The following SOS1 variants were observed in gnomAD, a reference collection of about 807,000 sequenced individuals.
The protein encoded by SOS1 is SOS Ras/Rac guanine nucleotide exchange factor 1, also known as son of sevenless homolog 1.
In SOS1, 25 loss-of-function variants were observed where a neutral mutation model predicts 157.6. The ratio of observed to expected loss-of-function variants is 0.16; its 90% CI spans 0.12 to 0.22. SOS1 has a LOEUF of 0.22. SOS1 is among the 10% of genes least tolerant of loss of function. The pLI is 1.00. For missense variants in SOS1, 1,237 were observed against 1,599.1 expected (o/e 0.77, Z 3.86); for synonymous variants, 528 against 534.0 (o/e 0.99, Z 0.16).
chr2:39,101,074 C>T (rs1396240625), intron 1 of SOS1, among the ~76,000 whole-genome samples: 1 of 152,196 alleles, frequency 6.6e-6, no homozygotes, highest in Non-Finnish European at 1.5e-5. Flanking sequence ...GTTCTGCAGG[C>T]TGTACAAGAA....
At chr2:39,033,322 C>T (rs774435389) in intron 8 of SOS1, among the ~76,000 whole-genome samples, 2 of 151,410 alleles carry the variant, frequency 1.3e-5, no homozygotes, top group Admixed American at 6.6e-5. Flanking sequence ...GGCAGTAATA[C>T]GAACAAGGGA....
rs752994841 is a variant in SOS1 at position 39,054,688 on chromosome 2, T to A, written c.646A>T (p.Ile216Leu). The change falls in exon 5 of 23, where the codon ATA becomes TTA. Residue 216 changes from isoleucine (I) to leucine (L), a missense_variant. By Grantham distance (5) the Ile-to-Leu change is conservative. Transcript: ENST00000402219. ...TTTATAATTAGATTTAGTTCCCTTA[T>A]ATATTGTCGAATTTCTGCCATAAAT... is the stretch of plus-strand genomic sequence containing the variant. ...KAFMAEIRQY[I>L]RELNLIIKVF... 11 of 1,600,106 alleles carry A rather than the reference T, an allele frequency of 6.9e-6. No individual in the cohort carries two copies. Among genetic ancestry groups the A allele is most frequent in the Non-Finnish European group, 9.4e-6 (11 of 1,167,394 alleles).
intron 6 of SOS1, among the ~76,000 whole-genome samples, chr2:39,040,416 G>A (rs1670529181): frequency 6.6e-6 from 1 of 152,072 alleles, no homozygotes; most frequent in South Asian, 2.1e-4. Flanking sequence ...ATGTGCAACG[G>A]TCCATTTCCA....
chr2:39,050,998 A>T (rs1057154768), intron 6 of SOS1, 146 bp downstream of exon 6: 2 of 764,980 alleles, frequency 2.6e-6, no homozygotes, highest in African/African-American at 3.5e-5. Context: ...ATATGTTGAC[A>T]ATGACCCTAT....
At chr2:39,046,264 A>G (rs996347535) in intron 6 of SOS1, among the ~76,000 whole-genome samples, 2 of 152,046 alleles carry the variant, frequency 1.3e-5, no homozygotes, top group African/African-American at 4.8e-5. Context: ...TGATTTTCGT[A>G]CATGTTTTTA....
chr2:39,015,872 C>CT (rs1296148235), intron 10 of SOS1, among the ~76,000 whole-genome samples: 1 of 84,026 alleles, frequency 1.2e-5, no homozygotes, highest in Non-Finnish European at 2.3e-5. Flanking sequence ...TGGGAGCATT[C>CT]TTTTCCTATT....
intron 2 of SOS1, among the ~76,000 whole-genome samples, chr2:39,060,269 A>G (rs919083488): frequency 3.3e-5 from 5 of 152,168 alleles, no homozygotes; most frequent in Admixed American, 2.0e-4. Context: ...GCTTTCCAAC[A>G]TTTTTTAAAA....
chr2:39,115,874 C>T (rs1673631589), intron 1 of SOS1, among the ~76,000 whole-genome samples: 2 of 152,110 alleles, frequency 1.3e-5, no homozygotes, highest in Admixed American at 6.5e-5. Context: ...ATGTATAAGT[C>T]TTTGTATAAG....
At chr2:39,048,118 A>AT (rs1366294574) in intron 6 of SOS1, among the ~76,000 whole-genome samples, 1 of 152,094 alleles carries the variant, frequency 6.6e-6, no homozygotes, top group Admixed American at 6.5e-5. Flanking sequence ...CAGTTTATCA[A>AT]TTTTTTTCTT....
At chr2:39,059,251 A>C in intron 2 of SOS1, among the ~76,000 whole-genome samples, 1 of 152,202 alleles carries the variant, frequency 6.6e-6, no homozygotes, top group East Asian at 1.9e-4. Context: ...CACCATGCAA[A>C]GGCACTTCAA....
intron 1 of SOS1, chr2:39,082,689 C>T (rs527927774): frequency 1.3e-5 from 2 of 152,234 alleles, no homozygotes; most frequent in South Asian, 4.1e-4. Context: ...CGTTCCATTA[C>T]TTTTATTTTA....
At chr2:39,026,459 C>T (rs1232619856) in intron 8 of SOS1, among the ~76,000 whole-genome samples, 6 of 151,594 alleles carry the variant, frequency 4.0e-5, no homozygotes, top group Non-Finnish European at 8.8e-5. Flanking sequence ...TAAAAGTGTA[C>T]ATATTAATAC....
intron 1 of SOS1, among the ~76,000 whole-genome samples, chr2:39,105,849 G>A (rs1348989218): frequency 6.6e-6 from 1 of 152,068 alleles, no homozygotes; most frequent in Non-Finnish European, 1.5e-5. Context: ...GCAGTGAGCC[G>A]AGATCGCACC....
intron 1 of SOS1, among the ~76,000 whole-genome samples, chr2:39,096,971 C>G (rs1010802445): frequency 5.9e-5 from 9 of 152,000 alleles, no homozygotes; most frequent in African/African-American, 2.2e-4. Context: ...TCCCTAAGAG[C>G]TACCTATACC....
At chr2:39,057,283 T>C (rs1671244600) in intron 3 of SOS1, among the ~76,000 whole-genome samples, 3 of 152,146 alleles carry the variant, frequency 2.0e-5, no homozygotes, top group Admixed American at 1.3e-4. Flanking sequence ...ACCAGGCTTA[T>C]ACTTTTAACT....
chr2:39,023,208 A>T lies in SOS1; in HGVS notation c.1220T>A (p.Phe407Tyr), dbSNP rs1159603423. 12 of 1,612,784 alleles carry T rather than the reference A, an allele frequency of 7.4e-6. No homozygotes were observed. Among genetic ancestry groups the T allele is most frequent in the African/African-American group, 1.3e-5 (1 of 74,884 alleles). Residue 407 changes from phenylalanine to tyrosine, a missense_variant, in exon 10 of 23, where the codon TTT (phenylalanine) becomes TAT (tyrosine). Around this residue, in one of 15 missense-constraint regions of SOS1, gnomAD observed 101 missense variants for 171.5 expected, o/e 0.59. Coordinates refer to ENST00000402219, the MANE Select transcript of SOS1 (RefSeq NM_005633.4). ...TTTCCCCTTCATTTGCTGACTATAA[A>T]ACCGACATGCAGATTCACTGGAATA... ...KRRLSESACR[F>Y]YSQQMKGKQL... is the part of the protein sequence containing the mutation.
intron 10 of SOS1, among the ~76,000 whole-genome samples, chr2:39,019,392 T>C (rs183817282): frequency 1.1e-4 from 17 of 151,884 alleles, no homozygotes; most frequent in Admixed American, 1.1e-3. Context: ...ATTCCTACTC[T>C]CAACTTTTTA....
chr2:39,005,203 TTCTC>T lies in SOS1; in HGVS notation c.2791+1205_2791+1208del, dbSNP rs570799042. On this transcript the variant is annotated intron_variant, in intron 17 of 22. Transcript: ENST00000402219. The stretch of plus-strand genomic sequence containing the variant: ...GCTAAAAGTTACATGAATGTGGTCT[TTCTC>T]TCCCAAAATATCTCATGTTTTTGGA... 5.0e-3 allele frequency among the ~76,000 whole-genome samples: 759 copies of T among 152,334 alleles called. 4 individuals are homozygous for T. The highest frequency in any genetic ancestry group is 8.8e-3 in the Non-Finnish European group (601 of 68,024).
chr2:39,024,043 A>G lies in SOS1; in HGVS notation c.1169T>C (p.Ile390Thr). The change falls in exon 9 of 23, where the codon ATA (isoleucine) becomes ACA (threonine). Residue 390 changes from isoleucine (I) to threonine (T), a missense_variant. Physicochemically the swap from Ile to Thr is moderately conservative, Grantham distance 89. Transcript: ENST00000402219. ...TCGTTTTGCAAGACTTTTAGAACAT[A>G]TTTTTTCCATACCACTCTGAACATT... ...LLNVQSGMEK[I>T]CSKSLAKRRL... 6.2e-7 allele frequency: 1 copy of G among 1,602,904 alleles called. No individual in the cohort carries two copies. Among genetic ancestry groups the G allele is most frequent in the South Asian group, 1.1e-5 (1 of 90,802 alleles).
Sources: allele counts gnomAD v4.1 joint callset (sites outside exome capture counted in the v4.1 genomes callset), GRCh38; gene constraint gnomAD v4.1.1; regional missense constraint gnomAD v4.1.1; transcripts MANE v1.5; gene names NCBI Gene and HGNC (gene_info 2026-07-23, HGNC 2026-07-21).